The following SPRED1 variants were observed in gnomAD, a reference collection of about 807,000 sequenced individuals.
SPRED1 encodes sprouty related EVH1 domain containing 1.
Under a neutral mutation model 52.3 loss-of-function variants are expected in SPRED1, and 18 were observed. That is an observed-to-expected ratio of 0.34 (90% CI 0.24 to 0.51). SPRED1 has a LOEUF of 0.51. Ranked by LOEUF, SPRED1 falls within the 20% of genes least tolerant of loss-of-function variation. The probability of loss-of-function intolerance (pLI) is 0.97; values close to 1 mark genes in which losing one functional copy is unlikely to be tolerated. For missense variants in SPRED1, 485 were observed against 551.0 expected, an observed-to-expected ratio of 0.88 and a Z score of 1.20; for synonymous variants, 155 against 179.7, an observed-to-expected ratio of 0.86 and a Z score of 1.10.
intron 3 of SPRED1, among the ~76,000 whole-genome samples, chr15:38,323,514 G>C (rs1895646362): frequency 6.6e-6 from 1 of 151,920 alleles, no homozygotes. Context: ...CTGGGGAATA[G>C]AGTCGAGTCA....
rs1318587614 is a variant in SPRED1, at chr15:38,339,772, G to A, written c.459G>A (p.Lys153=). 7 of 1,613,892 alleles carry A rather than the reference G, an allele frequency of 4.3e-6. No individual in the cohort carries two copies. The highest frequency in any genetic ancestry group is 2.2e-5 in the East Asian group (1 of 44,820). The change falls in exon 5 of 7, where the codon AAG becomes AAA. Residue 153 remains lysine, a synonymous_variant. Transcript: ENST00000299084. ...AGGATTCTTCCAGTTCTCTAGTGAA[G>A]GATCACCTTTTTCAGCAAGAGACAG... The part of the protein sequence containing the change: ...NEEDSSSSLV[K]DHLFQQETVV...
intron 2 of SPRED1, among the ~76,000 whole-genome samples, chr15:38,315,042 A>T (rs150334992): frequency 1.3e-5 from 2 of 151,964 alleles, no homozygotes; most frequent in East Asian, 1.9e-4. Context: ...ATTTGATAAC[A>T]TAATTCTATA....
chr15:38,273,127 A>C (rs963127870), intron 1 of SPRED1, among the ~76,000 whole-genome samples: 1 of 152,174 alleles, frequency 6.6e-6, no homozygotes, highest in Admixed American at 6.5e-5. Context: ...GGTGATTTCT[A>C]GGTTTTCTTC....
chr15:38,295,051 A>G (rs1407360855), intron 1 of SPRED1, among the ~76,000 whole-genome samples: 1 of 152,166 alleles, frequency 6.6e-6, no homozygotes, highest in Non-Finnish European at 1.5e-5. Context: ...TTTGAGTGCC[A>G]GTTGAGTGGA....
chr15:38,337,498 A>T (rs1895945690), intron 4 of SPRED1, among the ~76,000 whole-genome samples: 1 of 152,224 alleles, frequency 6.6e-6, no homozygotes, highest in Non-Finnish European at 1.5e-5. Flanking sequence ...ATTCCTAGTT[A>T]ATAGGTTAAT....
At chr15:38,334,454 A>C (rs191381939) in intron 4 of SPRED1, among the ~76,000 whole-genome samples, 41 of 152,108 alleles carry the variant, frequency 2.7e-4, no homozygotes. Flanking sequence ...TCCTTTATAC[A>C]TATAAAATAA....
rs2140994773 is a variant in SPRED1, at chr15:38,322,265, A to G, written c.232A>G (p.Lys78Glu). 6.2e-7 allele frequency: 1 copy of G among 1,613,874 alleles called. No homozygotes were observed. The highest frequency in any genetic ancestry group is 8.5e-7 in the Non-Finnish European group (1 of 1,179,890). The stretch of plus-strand genomic sequence containing the variant: ...GGTGGTTTTGGAATGTATGCTTAAA[A>G]AAGACCTCATTTATAATAAGGTCAC... ...KMVVLECMLKKDLIYNKVTPT... is the reference protein window; with the variant it reads ...KMVVLECMLKEDLIYNKVTPT... Residue 78 changes from lysine to glutamate, a missense_variant, in exon 3 of 7, where the codon AAA (lysine) becomes GAA (glutamate). This residue lies in a region of SPRED1 where 232 missense variants were observed against 231.8 expected (regional missense o/e 1.00). Transcript: ENST00000299084.
intron 1 of SPRED1, among the ~76,000 whole-genome samples, chr15:38,297,886 A>T (rs758664234): frequency 1.1e-4 from 17 of 152,212 alleles, no homozygotes; most frequent in Non-Finnish European, 2.4e-4. Flanking sequence ...CCATACAGAT[A>T]GTAAGTTTCT....
At chr15:38,290,727 C>A (rs550199503) in intron 1 of SPRED1, among the ~76,000 whole-genome samples, 1 of 152,300 alleles carries the variant, frequency 6.6e-6, no homozygotes, top group East Asian at 1.9e-4. Flanking sequence ...CCCATCAGAT[C>A]TCCTGAGACT....
chr15:38,334,932 C>T (rs1447559218), intron 4 of SPRED1, among the ~76,000 whole-genome samples: 2 of 151,682 alleles, frequency 1.3e-5, no homozygotes, highest in Non-Finnish European at 2.9e-5. Flanking sequence ...TGCACTCTCA[C>T]CAACAGCGCA....
chr15:38,357,033 G>C lies in SPRED1; in HGVS notation c.*5369G>C, dbSNP rs577649995. 1 of 152,234 alleles carries C rather than the reference G, an allele frequency of 6.6e-6. No homozygotes were observed. The highest frequency in any genetic ancestry group is 2.4e-5 in the African/African-American group (1 of 41,556). The allele number at this position is 152,234 out of a possible 1,614,324, so 9.4% of individuals were successfully genotyped here. On this transcript the variant is annotated 3_prime_UTR_variant, in exon 7 of 7. Coordinates refer to ENST00000299084, the MANE Select transcript of SPRED1 (RefSeq NM_152594.3). ...TTAATACCCACAAGTAAGTAGAATA[G>C]CTTTTATAACAAGGAAATTGAAACT...
chr15:38,331,136 C>A (rs180944858), intron 4 of SPRED1, among the ~76,000 whole-genome samples: 2 of 151,608 alleles, frequency 1.3e-5, no homozygotes, highest in Admixed American at 1.3e-4. Flanking sequence ...ATAATTCTTA[C>A]ACCAGCAGCT....
intron 1 of SPRED1, among the ~76,000 whole-genome samples, chr15:38,295,166 T>C (rs1340934171): frequency 6.6e-6 from 1 of 152,228 alleles, no homozygotes; most frequent in African/African-American, 2.4e-5. Flanking sequence ...GTATTTGCTC[T>C]GAGAAATACA....
chr15:38,333,264 G>C (rs1353461818), intron 4 of SPRED1, among the ~76,000 whole-genome samples: 2 of 152,148 alleles, frequency 1.3e-5, no homozygotes, highest in Non-Finnish European at 2.9e-5. Flanking sequence ...TTGTAGCTGA[G>C]GTTAAGCATA....
At chr15:38,263,670 T>C (rs141390246) in intron 1 of SPRED1, among the ~76,000 whole-genome samples, 2 of 152,254 alleles carry the variant, frequency 1.3e-5, no homozygotes, top group Non-Finnish European at 2.9e-5. Context: ...TCATTGACCT[T>C]TGTGGGAGTA....
intron 6 of SPRED1, 39 bp from the exon 7 acceptor site, chr15:38,350,975 C>A: frequency 6.3e-7 from 1 of 1,589,054 alleles, no homozygotes; most frequent in South Asian, 1.1e-5. Context: ...AATTAACCAT[C>A]ATAGCCCTCA....
At chr15:38,313,969 C>T (rs1478597285) in intron 2 of SPRED1, among the ~76,000 whole-genome samples, 1 of 151,670 alleles carries the variant, frequency 6.6e-6, no homozygotes, top group Non-Finnish European at 1.5e-5. Flanking sequence ...TTATTTGATT[C>T]ACTTGTCATT....
At chr15:38,279,968 G>A (rs1018596499) in intron 1 of SPRED1, among the ~76,000 whole-genome samples, 4 of 152,044 alleles carry the variant, frequency 2.6e-5, no homozygotes, top group Admixed American at 2.0e-4. Context: ...CTACATCTTG[G>A]AATGATAAAA....
rs998883059 is a variant in SPRED1, at chr15:38,322,538, T to C, written c.376+129T>C. On this transcript the variant is annotated intron_variant, in intron 3 of 6. Transcript: ENST00000299084. ...CAGCTTTTGTGATATGTGACCAGGC[T>C]TTGAAACCTCACAATAGATGAAGAT... 4.9e-5 allele frequency: 41 copies of C among 837,922 alleles called. No individual in the cohort carries two copies. The African/African-American group carries it at 5.7e-4, about 12-fold the overall frequency. The allele number at this position is 837,922 out of a possible 1,614,324, so 51.9% of individuals were successfully genotyped here.
Sources: allele counts gnomAD v4.1 joint callset (sites outside exome capture counted in the v4.1 genomes callset), GRCh38; gene constraint gnomAD v4.1.1; regional missense constraint gnomAD v4.1.1; transcripts MANE v1.5; gene names NCBI Gene and HGNC (gene_info 2026-07-23, HGNC 2026-07-21).